The following HDAC4 variants were observed in gnomAD, a reference collection of about 807,000 sequenced individuals.
HDAC4 encodes histone deacetylase 4, also known as histone deacetylase A.
A neutral mutation model predicts 135.1 loss-of-function variants in HDAC4; 16 were observed. The ratio of observed to expected loss-of-function variants is 0.12; its 90% CI spans 0.08 to 0.18. HDAC4 has a LOEUF of 0.18. Among genes scored for constraint, HDAC4 ranks in the 10% least tolerant of loss-of-function variants. HDAC4 has a pLI of 1.00. For missense variants in HDAC4, 1,143 were observed against 1,511.8 expected (o/e 0.76, Z 4.05); for synonymous variants, 685 against 653.4 (o/e 1.05, Z -0.74).
chr2:239,367,708 A>G (rs184190146), intron 1 of HDAC4, among the ~76,000 whole-genome samples: 5 of 152,338 alleles, frequency 3.3e-5, no homozygotes, highest in Admixed American at 6.5e-5. Context: ...TTTCATGTTT[A>G]GGCTGGGTGT....
At chr2:239,389,409 C>T (rs1381018743) in intron 1 of HDAC4, among the ~76,000 whole-genome samples, 1 of 152,172 alleles carries the variant, frequency 6.6e-6, no homozygotes, top group Non-Finnish European at 1.5e-5. Context: ...AGCAAGACCA[C>T]GAACCTGCTG....
intron 3 of HDAC4, among the ~76,000 whole-genome samples, chr2:239,205,037 C>G (rs557254938): frequency 1.6e-4 from 24 of 152,304 alleles, no homozygotes; most frequent in African/African-American, 5.8e-4. Flanking sequence ...GCCTCTGTCC[C>G]TCAGCACTGA....
intron 9 of HDAC4, among the ~76,000 whole-genome samples, chr2:239,134,870 T>A (rs577178912): frequency 1.1e-3 from 166 of 152,354 alleles, no homozygotes; most frequent in South Asian, 2.5e-3. Context: ...GAGTTCTTCT[T>A]CTGTCACCTT....
intron 9 of HDAC4, among the ~76,000 whole-genome samples, chr2:239,138,305 T>G (rs1174151202): frequency 6.6e-6 from 1 of 152,198 alleles, no homozygotes; most frequent in Non-Finnish European, 1.5e-5. Flanking sequence ...CAAAATTCGT[T>G]CTGAGCAGTA....
chr2:239,093,329 T>C (rs2036697230), intron 17 of HDAC4, among the ~76,000 whole-genome samples: 1 of 152,148 alleles, frequency 6.6e-6, no homozygotes, highest in African/African-American at 2.4e-5. Context: ...CTGCCCTCCC[T>C]GACAAGAGCA....
chr2:239,081,777 G>A (rs1200685231), intron 21 of HDAC4, among the ~76,000 whole-genome samples: 1 of 152,198 alleles, frequency 6.6e-6, no homozygotes, highest in Non-Finnish European at 1.5e-5. Context: ...GCCGGAGGGT[G>A]TCCTGTGGAA....
In HDAC4 at chr2:239,050,936, A is replaced by G. The variant is rs1165090600; in HGVS notation, c.*2161T>C. ...GTTCCTTGCAGCCACAGGCTCCAAA[A>G]TCCAGGGCTGGCCACGTGGCTGCAG... On this transcript the variant is annotated 3_prime_UTR_variant, in exon 27 of 27. Coordinates refer to ENST00000543185, the MANE Select transcript of HDAC4 (RefSeq NM_001378414.1). 1 of 152,586 alleles carries G rather than the reference A, an allele frequency of 6.6e-6. No homozygotes were observed. Among genetic ancestry groups the G allele is most frequent in the East Asian group, 1.9e-4 (1 of 5,196 alleles). 9.5% of individuals were successfully genotyped at this position (152,586 alleles called of 1,614,324 possible).
intron 20 of HDAC4, among the ~76,000 whole-genome samples, chr2:239,082,891 G>A (rs1382805290): frequency 6.6e-6 from 1 of 152,268 alleles, no homozygotes; most frequent in African/African-American, 2.4e-5. Context: ...TGGTCACCAG[G>A]ATGGGCGGGC....
At chr2:239,143,023 T>G (rs1408063093) in intron 8 of HDAC4, among the ~76,000 whole-genome samples, 2 of 152,214 alleles carry the variant, frequency 1.3e-5, no homozygotes, top group East Asian at 1.9e-4. Context: ...CTGGGTGAGC[T>G]CAGCACTGAT....
intron 1 of HDAC4, among the ~76,000 whole-genome samples, chr2:239,370,026 G>A (rs1437413868): frequency 6.6e-6 from 1 of 152,180 alleles, no homozygotes; most frequent in African/African-American, 2.4e-5. Flanking sequence ...CGTGGCTGGC[G>A]ACACACTTCA....
Position 239,052,857 on chromosome 2 carries a change from G to T in HDAC4, c.*240C>A, listed in dbSNP as rs541235328. 8.7e-6 allele frequency: 5 copies of T among 573,676 alleles called. No homozygotes were observed. In the African/African-American group the frequency reaches 9.4e-5, roughly 11 times the overall value. 35.5% of individuals were successfully genotyped at this position (573,676 alleles called of 1,614,324 possible). A position where few individuals can be genotyped will look rare whatever the true frequency, so the allele number is the denominator to read the frequency against. The stretch of plus-strand genomic sequence containing the variant: ...TTGGCTTCCGCGTGTCCGTGTGTCT[G>T]CGCGTCGCCGGCGTCTGTCCCGTGT... On this transcript the variant is annotated 3_prime_UTR_variant, in exon 27 of 27. Transcript: ENST00000543185.
chr2:239,267,362 G>A (rs920280441), intron 2 of HDAC4, among the ~76,000 whole-genome samples: 1 of 152,314 alleles, frequency 6.6e-6, no homozygotes, highest in African/African-American at 2.4e-5. Context: ...AGCCGATGGA[G>A]TCTGAAGAGC....
At chr2:239,199,426 G>A (rs983518892) in intron 3 of HDAC4, among the ~76,000 whole-genome samples, 3 of 152,264 alleles carry the variant, frequency 2.0e-5, no homozygotes, top group East Asian at 1.9e-4. Context: ...TTTCTATAAC[G>A]GGAAGGAATC....
chr2:239,051,677 A>T lies in HDAC4; in HGVS notation c.*1420T>A, dbSNP rs1237572895. 1 of 152,542 alleles carries T rather than the reference A, an allele frequency of 6.6e-6. No homozygotes were observed. The highest frequency in any genetic ancestry group is 1.5e-5 in the Non-Finnish European group (1 of 68,022). The allele number at this position is 152,542 out of a possible 1,614,324, so 9.4% of individuals were successfully genotyped here. A position where few individuals can be genotyped will look rare whatever the true frequency, so the allele number is the denominator to read the frequency against. On this transcript the variant is annotated 3_prime_UTR_variant, in exon 27 of 27. Coordinates refer to ENST00000543185, the MANE Select transcript of HDAC4 (RefSeq NM_001378414.1). ...AGAAAATAATTAAAATGAAAGTACA[A>T]ACTTGTAGGGTAGTTGCCCAGTGGC...
intron 2 of HDAC4, among the ~76,000 whole-genome samples, chr2:239,335,530 A>AAAAC (rs1691880404): frequency 7.4e-6 from 1 of 135,756 alleles, no homozygotes; most frequent in Non-Finnish European, 1.5e-5. Context: ...AAAAAAAAAA[A>AAAAC]CACCATTAAG....
chr2:239,070,118 G>A (rs1037371474), intron 22 of HDAC4, among the ~76,000 whole-genome samples: 1 of 152,178 alleles, frequency 6.6e-6, no homozygotes, highest in Non-Finnish European at 1.5e-5. Context: ...CTGAAGACAC[G>A]TGCAGTCACC....
intron 3 of HDAC4, among the ~76,000 whole-genome samples, chr2:239,214,079 CTT>C (rs1384224537): frequency 6.6e-6 from 1 of 152,206 alleles, no homozygotes; most frequent in Non-Finnish European, 1.5e-5. Context: ...AACTCAATGG[CTT>C]GAAACAACGT....
At chr2:239,367,892 C>A (rs1180840978) in intron 1 of HDAC4, among the ~76,000 whole-genome samples, 1 of 152,048 alleles carries the variant, frequency 6.6e-6, no homozygotes, top group African/African-American at 2.4e-5. Context: ...GCAGTAGAAT[C>A]GCTTAAACCT....
chr2:239,288,071 A>AG (rs1177008508), intron 2 of HDAC4, among the ~76,000 whole-genome samples: 1 of 152,044 alleles, frequency 6.6e-6, no homozygotes, highest in African/African-American at 2.4e-5. Context: ...TAAGTTAAAA[A>AG]AAAAAAAGAC....
Sources: allele counts gnomAD v4.1 joint callset (sites outside exome capture counted in the v4.1 genomes callset), GRCh38; gene constraint gnomAD v4.1.1; transcripts MANE v1.5; gene names NCBI Gene and HGNC (gene_info 2026-07-23, HGNC 2026-07-21).